RNF17: variants seen among roughly 807,000 people sequenced by gnomAD.
RNF17 encodes ring finger protein 17.
RNF17 carries 31 observed loss-of-function variants against 200.5 expected under a neutral mutation model. The observed-to-expected ratio is 0.15, with a 90% CI of 0.12 to 0.21. The LOEUF (loss-of-function observed/expected upper bound fraction) is 0.21. RNF17 is among the 10% of genes least tolerant of loss of function. The pLI is 1.00. For synonymous variants in RNF17, 606 were observed against 637.8 expected, an observed-to-expected ratio of 0.95 and a Z score of 0.75; for missense variants, 1,628 against 1,905.1, an observed-to-expected ratio of 0.85 and a Z score of 2.71.
the RNF17 span, among the ~76,000 whole-genome samples, chr13:24,755,094 G>T: frequency 6.6e-6 from 1 of 151,966 alleles, no homozygotes; most frequent in Non-Finnish European, 1.5e-5. Flanking sequence ...TTTGACTGCT[G>T]TGTTTCTTAA....
At chr13:24,861,934 G>T (rs1893141489) in intron 27 of RNF17, among the ~76,000 whole-genome samples, 1 of 152,178 alleles carries the variant, frequency 6.6e-6, no homozygotes, top group South Asian at 2.1e-4. Flanking sequence ...CTCCATGGTT[G>T]AAGAGGCATT....
At chr13:24,811,991 C>G (rs1369795955) in intron 15 of RNF17, among the ~76,000 whole-genome samples, 4 of 152,016 alleles carry the variant, frequency 2.6e-5, no homozygotes, top group Admixed American at 6.6e-5. Flanking sequence ...AGGAGGCAGT[C>G]TGCCCATTCT....
Position 24,879,209 on chromosome 13 carries a change from T to C in RNF17, c.4796T>C (p.Val1599Ala). The C allele has an allele frequency of 5.0e-6, 8 of 1,613,522 alleles. No homozygotes were observed. The highest frequency in any genetic ancestry group is 6.8e-6 in the Non-Finnish European group (8 of 1,179,526). The change falls in exon 35 of 36, where the codon GTG (valine) becomes GCG (alanine). Residue 1599 changes from valine (V) to alanine (A), a missense_variant. Transcript: ENST00000255324. ...TAGGCTCCAGCACCAGAACAGATAG[T>C]GACATTATATGACGATGAACAGCAT... ...VSMAPAPEQIVTLYDDEQHPV... is the reference protein window; with the variant it reads ...VSMAPAPEQIATLYDDEQHPV...
rs1357826980 is a variant in RNF17, at chr13:24,851,560, G to A, written c.3309G>A (p.Leu1103=). Residue 1103 remains leucine (L), a synonymous_variant, in exon 24 of 36, where the codon TTG becomes TTA. Transcript: ENST00000255324. ...ATTTGATTAAAAAGGGTTTGGCTTT[G>A]AGAGAAAGGAGGTATAGACTTTTTT... ...SKYLIKKGLA[L]RERRINNLDN... 6.2e-7 allele frequency: 1 copy of A among 1,608,088 alleles called. No homozygotes were observed. The highest frequency in any genetic ancestry group is 8.5e-7 in the Non-Finnish European group (1 of 1,177,230).
chr13:24,772,395 C>G, intron 2 of RNF17, among the ~76,000 whole-genome samples: 1 of 140,216 alleles, frequency 7.1e-6, no homozygotes, highest in Non-Finnish European at 1.5e-5. Context: ...GACATTCAGT[C>G]TTTCTCTCCA....
chr13:24,827,128 C>T (rs1340801906), intron 16 of RNF17, among the ~76,000 whole-genome samples: 3 of 151,748 alleles, frequency 2.0e-5, no homozygotes, highest in Non-Finnish European at 4.4e-5. Context: ...GATGGGATTT[C>T]GCCATGTTGG....
intron 25 of RNF17, 126 bp from the exon 26 acceptor site, chr13:24,858,875 G>T (rs1322940758): frequency 8.2e-6 from 5 of 606,904 alleles, no homozygotes; most frequent in Non-Finnish European, 1.4e-5. Context: ...AACACACACA[G>T]ATTTTTACAA....
the RNF17 span, among the ~76,000 whole-genome samples, chr13:24,749,924 GT>G: frequency 6.6e-6 from 1 of 151,968 alleles, no homozygotes; most frequent in Non-Finnish European, 1.5e-5. Context: ...TAATTTTTTT[GT>G]ATTTTTAGTA....
chr13:24,790,335 T>A (rs1460609341), intron 9 of RNF17, among the ~76,000 whole-genome samples: 1 of 152,130 alleles, frequency 6.6e-6, no homozygotes, highest in Non-Finnish European at 1.5e-5. Context: ...ATTCTCTATG[T>A]CCCCAAGGAT....
intron 1 of RNF17, among the ~76,000 whole-genome samples, chr13:24,765,787 A>G (rs9318791): frequency 0.18 from 27,805 of 152,250 alleles, 2,720 homozygotes; most frequent in South Asian, 0.34. Flanking sequence ...GTTATTCAGT[A>G]TCAGAAATTT....
intron 15 of RNF17, among the ~76,000 whole-genome samples, chr13:24,824,820 G>T (rs1171108820): frequency 1.3e-5 from 2 of 152,158 alleles, no homozygotes; most frequent in East Asian, 3.9e-4. Context: ...ATTGAGAGGG[G>T]TCAGGATCAT....
chr13:24,757,147 A>G, the RNF17 span, among the ~76,000 whole-genome samples: 1 of 152,074 alleles, frequency 6.6e-6, no homozygotes, highest in East Asian at 1.9e-4. Context: ...TGAAAAGGTG[A>G]ATTTATATCT....
chr13:24,750,830 T>G, the RNF17 span: 4 of 152,180 alleles, frequency 2.6e-5, no homozygotes, highest in Non-Finnish European at 4.4e-5. Context: ...ATTTGTTCAT[T>G]ATCCCCTTTC....
At chr13:24,790,685 A>G (rs958998263) in intron 9 of RNF17, among the ~76,000 whole-genome samples, 1 of 152,178 alleles carries the variant, frequency 6.6e-6, no homozygotes, top group Non-Finnish European at 1.5e-5. Context: ...CCAAGATCAT[A>G]ATGCTGGCAG....
At chr13:24,867,252 T>A (rs1381911115) in intron 30 of RNF17, among the ~76,000 whole-genome samples, 3 of 152,228 alleles carry the variant, frequency 2.0e-5, no homozygotes, top group African/African-American at 7.2e-5. Context: ...GGTCTTGAAC[T>A]CCGGGGCTCA....
chr13:24,844,690 A>C lies in RNF17; in HGVS notation c.2870A>C (p.Lys957Thr). ...EKMIAAYENS[K>T]WEPVKWENDM... ...ATGATAGCTGCTTATGAAAACTCAA[A>C]ATGGGAACCTGTTAAATGGGAAAAT... Residue 957 changes from lysine (K) to threonine (T), a missense_variant, in exon 21 of 36, where the codon AAA becomes ACA. Coordinates refer to ENST00000255324, the MANE Select transcript of RNF17 (RefSeq NM_031277.3). 1 of 1,610,006 alleles carries C rather than the reference A, an allele frequency of 6.2e-7. No individual in the cohort carries two copies. The highest frequency in any genetic ancestry group is 8.5e-7 in the Non-Finnish European group (1 of 1,176,826).
In RNF17 at chr13:24,793,303, C is replaced by G. The variant is rs1375457240; in HGVS notation, c.1197C>G (p.Ser399Arg). The change falls in exon 10 of 36, where the codon AGC becomes AGG. Residue 399 changes from serine to arginine, a missense_variant. This residue lies in a region of RNF17 where 502 missense variants were observed against 501.7 expected (regional missense o/e 1.00). Coordinates refer to ENST00000255324, the MANE Select transcript of RNF17 (RefSeq NM_031277.3). ...CTGTGTTACCTCAGATGGGATCTAG[C>G]CCTGATGTGATAATTGAAGAAATTA... ...TIAVLPQMGS[S>R]PDVIIEEIIE... 6.3e-7 allele frequency: 1 copy of G among 1,594,810 alleles called. No individual in the cohort carries two copies. The highest frequency in any genetic ancestry group is 2.2e-5 in the East Asian group (1 of 44,768).
At chr13:24,855,208 T>C (rs1458717075) in intron 25 of RNF17, among the ~76,000 whole-genome samples, 1 of 152,202 alleles carries the variant, frequency 6.6e-6, no homozygotes, top group Non-Finnish European at 1.5e-5. Flanking sequence ...TCGGTATCTG[T>C]TCTATTGATA....
chr13:24,748,005 C>A, the RNF17 span, among the ~76,000 whole-genome samples: 1 of 152,228 alleles, frequency 6.6e-6, no homozygotes, highest in Non-Finnish European at 1.5e-5. Context: ...GCTGCCGGGG[C>A]GGGGCTGCTG....
Sources: gnomAD v4.1 joint callset for allele counts (sites outside exome capture counted in the v4.1 genomes callset) on GRCh38, gnomAD v4.1.1 for gene constraint, gnomAD v4.1.1 regional missense constraint, MANE v1.5 for transcripts, NCBI Gene and HGNC (gene_info 2026-07-23, HGNC 2026-07-21) for gene names.